IQGAP3: variants seen among roughly 807,000 people sequenced by gnomAD.
IQGAP3 encodes ras GTPase-activating-like protein IQGAP3.
In IQGAP3, 165 loss-of-function variants were observed where a neutral mutation model predicts 208.2. That is an observed-to-expected ratio of 0.79 (90% CI 0.70 to 0.90). The LOEUF (loss-of-function observed/expected upper bound fraction) is 0.90. Among genes scored for constraint, IQGAP3 ranks in the 40% least tolerant of loss-of-function variants. The probability of loss-of-function intolerance (pLI) is 0.00; values close to 1 mark genes in which losing one functional copy is unlikely to be tolerated. For missense variants in IQGAP3, 1,811 were observed against 2,043.1 expected (o/e 0.89, Z 2.19); for synonymous variants, 703 against 803.6 (o/e 0.87, Z 2.12).
At chr1:156,543,102 T>C (rs1675065679) in intron 22 of IQGAP3, among the ~76,000 whole-genome samples, 1 of 151,296 alleles carries the variant, frequency 6.6e-6, no homozygotes, top group Non-Finnish European at 1.5e-5. Context: ...AGAAAAACCA[T>C]AAACTGAAGA....
chr1:156,556,454 A>G, intron 12 of IQGAP3, 79 bp downstream of exon 12: 3 of 1,417,028 alleles, frequency 2.1e-6, no homozygotes, highest in Non-Finnish European at 3.0e-6. Flanking sequence ...CACTCACAAG[A>G]GGGTGGCCTG....
Position 156,566,518 on chromosome 1 carries a change from G to T in IQGAP3, c.154C>A (p.Leu52Ile), listed in dbSNP as rs376361908. ...TCCTCCAGCTCCACCGGGGAAGGAA[G>T]CTCCTCCTTCAGGCAGGCCTCCATC... The part of the protein sequence containing the change: ...RWMEACLKEE[L>I]PSPVELEESL... The change falls in exon 3 of 38, where the codon CTT becomes ATT. Residue 52 changes from leucine (L) to isoleucine (I), a missense_variant. Leu to Ile is a conservative substitution (Grantham distance 5). Coordinates refer to ENST00000361170, the MANE Select transcript of IQGAP3 (RefSeq NM_178229.5). The T allele has an allele frequency of 1.1e-5, 18 of 1,614,026 alleles. No individual in the cohort carries two copies. In the African/African-American group the frequency reaches 2.4e-4, roughly 22 times the overall value.
chr1:156,538,744 CCAAGACACAGCTGAT>C (rs887772731), intron 26 of IQGAP3, 50 bp downstream of exon 26: 71 of 1,419,654 alleles, frequency 5.0e-5, no homozygotes, highest in Non-Finnish European at 6.1e-5. Flanking sequence ...CCAGTAGGGT[CCAAGACACAGCTGAT>C]CAAGACACAG....
At chr1:156,572,452 G>A (rs201505017) in intron 1 of IQGAP3, 41 bp downstream of exon 1, 103 of 1,598,080 alleles carry the variant, frequency 6.4e-5, no homozygotes, top group Admixed American at 3.3e-5. Context: ...CCGACCAGCG[G>A]CACCACTGCG....
intron 2 of IQGAP3, among the ~76,000 whole-genome samples, chr1:156,568,910 A>G (rs1676519892): frequency 6.6e-6 from 1 of 152,028 alleles, no homozygotes. Flanking sequence ...AAAATGACCC[A>G]GTTTTCTTCA....
At chr1:156,562,500 G>T in intron 9 of IQGAP3, 87 bp downstream of exon 9, 1 of 1,082,974 alleles carries the variant, frequency 9.2e-7, no homozygotes, top group Non-Finnish European at 1.4e-6. Flanking sequence ...AGGGCTTTCT[G>T]GCTTGAGAAA....
At chr1:156,569,528 CTTTTTTTTTT>C (rs34005985) in intron 1 of IQGAP3, 65 bp from the exon 2 acceptor site, 22 of 138,270 alleles carry the variant, frequency 1.6e-4, no homozygotes, top group Non-Finnish European at 2.1e-4. Flanking sequence ...ACTGAAGGGT[CTTTTTTTTTT>C]TTTTTTTTTT....
Position 156,563,816 on chromosome 1 carries a change from A to G in IQGAP3, c.446T>C (p.Leu149Pro), listed in dbSNP as rs1676278163. 1 of 1,613,814 alleles carries G rather than the reference A, an allele frequency of 6.2e-7. No homozygotes were observed. Among genetic ancestry groups the G allele is most frequent in the Non-Finnish European group, 8.5e-7 (1 of 1,179,928 alleles). Residue 149 changes from leucine (L) to proline (P), a missense_variant, in exon 6 of 38, where the codon CTC (leucine) becomes CCC (proline). Transcript: ENST00000361170. The stretch of plus-strand genomic sequence containing the variant: ...CTGAGGGGCCAATCCCAGCCGGAAG[A>G]GGAAGAGACTAGGAAAAAACGGAAG... ...VYCIHALSLF[L>P]FRLGLAPQIH... is the part of the protein sequence containing the mutation.
At chr1:156,565,774 C>A (rs1444301520) in intron 4 of IQGAP3, among the ~76,000 whole-genome samples, 1 of 152,172 alleles carries the variant, frequency 6.6e-6, no homozygotes, top group Non-Finnish European at 1.5e-5. Flanking sequence ...AGCCTCCCAC[C>A]CCCTGCATAA....
At position 156,530,872 on chromosome 1, in the gene IQGAP3, A is replaced by AC. The variant is rs571669122; in HGVS notation, c.4191+287_4191+288insG. Reference sequence around the variant, plus strand: ...CTGAGTGCAGGCCTTCCAGGGGAGCATTCCCAGACGGTCTCTCAGTGCCCC... The same window carrying AC: ...CTGAGTGCAGGCCTTCCAGGGGAGCACTTCCCAGACGGTCTCTCAGTGCCCC... On this transcript the variant is annotated intron_variant, in intron 33 of 37. Coordinates refer to ENST00000361170, the MANE Select transcript of IQGAP3 (RefSeq NM_178229.5). Among the ~76,000 whole-genome samples, 43 of 152,262 alleles carry AC rather than the reference A, an allele frequency of 2.8e-4. No individual in the cohort carries two copies. In the South Asian group the frequency reaches 4.4e-3, roughly 15 times the overall value.
chr1:156,528,031 G>A lies in IQGAP3; in HGVS notation c.4703C>T (p.Pro1568Leu), dbSNP rs148884446. ...TTCAAACTTTCCTGCCTCATCTCCC[G>A]GCGTGATGTCAAAGATGACGTTTCT... Reference protein sequence around the residue: ...HFRNVIFDITPGDEAGKFEVN... With the variant: ...HFRNVIFDITLGDEAGKFEVN... Residue 1568 changes from proline to leucine, a missense_variant, in exon 37 of 38, where the codon CCG (proline) becomes CTG (leucine). Physicochemically the swap from Pro to Leu is moderately conservative, Grantham distance 98 (BLOSUM62 -3). Coordinates refer to ENST00000361170, the MANE Select transcript of IQGAP3 (RefSeq NM_178229.5). The A allele has an allele frequency of 5.1e-5, 82 of 1,613,992 alleles. No homozygotes were observed. The Middle Eastern group carries it at 2.5e-3, about 49-fold the overall frequency.
At position 156,539,206 on chromosome 1, in the gene IQGAP3, CTG is replaced by C; in HGVS notation, c.3056+166_3056+167del. 3.7e-6 allele frequency: 3 copies of C among 809,276 alleles called. No homozygotes were observed. The South Asian group carries it at 5.2e-5, about 14-fold the overall frequency. The allele number at this position is 809,276 out of a possible 1,614,324, so 50.1% of individuals were successfully genotyped here. A position where few individuals can be genotyped will look rare whatever the true frequency, so the allele number is the denominator to read the frequency against. On this transcript the variant is annotated intron_variant, in intron 25 of 37. Coordinates refer to ENST00000361170, the MANE Select transcript of IQGAP3 (RefSeq NM_178229.5). Reference sequence around the variant, plus strand: ...TAGCATGTCAGCCCATATCCTCCCACTGTGCTGTCCCAGATGTTTTACGGTTT... The same window carrying C: ...TAGCATGTCAGCCCATATCCTCCCACTGCTGTCCCAGATGTTTTACGGTTT...
chr1:156,535,110 A>G, intron 28 of IQGAP3, 53 bp downstream of exon 28: 1 of 1,312,076 alleles, frequency 7.6e-7, no homozygotes, highest in East Asian at 2.3e-5. Flanking sequence ...GATTGCAGGT[A>G]CCAGCAAAGC....
chr1:156,562,138 T>C, intron 9 of IQGAP3, 137 bp from the exon 10 acceptor site: 1 of 816,824 alleles, frequency 1.2e-6, no homozygotes, highest in Non-Finnish European at 1.9e-6. Context: ...CCTGGGCCCA[T>C]TTGGTTCAGC....
intron 28 of IQGAP3, 79 bp downstream of exon 28, chr1:156,535,084 T>G: frequency 9.2e-7 from 1 of 1,086,226 alleles, no homozygotes; most frequent in Non-Finnish European, 1.4e-6. Context: ...TTTTTGTGTT[T>G]TTGTCTCAGT....
chr1:156,534,196 T>C, intron 29 of IQGAP3, 55 bp from the exon 30 acceptor site: 1 of 1,605,716 alleles, frequency 6.2e-7, no homozygotes, highest in South Asian at 1.1e-5. Context: ...CCCACACATC[T>C]TCTGTCCCCA....
At position 156,563,193 on chromosome 1, in the gene IQGAP3, C is replaced by T. The variant is rs375168150; in HGVS notation, c.739G>A (p.Val247Ile). ...LENLREPLAA[V>I]YQEMLAQAKM... is the part of the protein sequence containing the mutation. ...GCCTGGGCCAGCATCTCTTGGTAGA[C>T]GGCTGCCAGAGGCTCTCGGAGATTC... Residue 247 changes from valine (V) to isoleucine (I), a missense_variant, in exon 8 of 38, where the codon GTC (valine) becomes ATC (isoleucine). By Grantham distance (29) the Val-to-Ile change is conservative (BLOSUM62 3). Coordinates refer to ENST00000361170, the MANE Select transcript of IQGAP3 (RefSeq NM_178229.5). The T allele has an allele frequency of 1.3e-4, 217 of 1,612,866 alleles. No individual in the cohort carries two copies. Among genetic ancestry groups the T allele is most frequent in the Middle Eastern group, 1.7e-4 (1 of 6,060 alleles).
intron 22 of IQGAP3, among the ~76,000 whole-genome samples, chr1:156,543,743 A>G (rs935180104): frequency 2.6e-5 from 4 of 151,354 alleles, no homozygotes; most frequent in Admixed American, 6.6e-5. Context: ...ATAGGCAGAT[A>G]ATCTAAGCCT....
chr1:156,539,856 G>T lies in IQGAP3; in HGVS notation c.2874C>A (p.His958Gln). The stretch of plus-strand genomic sequence containing the variant: ...TGCTAACCTGGAGCAGGTAGAAGAG[G>T]TGTTGGTATGCTTCTAGTTTCTGCC... ...EKRQKLEAYQHLFYLLQTQPI... is the reference protein window; with the variant it reads ...EKRQKLEAYQQLFYLLQTQPI... Residue 958 changes from histidine (H) to glutamine (Q), a missense_variant, in exon 24 of 38, where the codon CAC (histidine) becomes CAA (glutamine). Physicochemically the swap from His to Gln is conservative, Grantham distance 24. Coordinates refer to ENST00000361170, the MANE Select transcript of IQGAP3 (RefSeq NM_178229.5). 6.2e-7 allele frequency: 1 copy of T among 1,614,204 alleles called. No homozygotes were observed. The highest frequency in any genetic ancestry group is 8.5e-7 in the Non-Finnish European group (1 of 1,180,036).
Sources: gnomAD v4.1 joint callset for allele counts (sites outside exome capture counted in the v4.1 genomes callset) on GRCh38, gnomAD v4.1.1 for gene constraint, MANE v1.5 for transcripts, NCBI Gene and HGNC (gene_info 2026-07-23, HGNC 2026-07-21) for gene names.